The following PPARGC1A variants were observed in gnomAD, a reference collection of about 807,000 sequenced individuals.
PPARGC1A encodes the protein peroxisome proliferator-activated receptor gamma coactivator 1-alpha.
A neutral mutation model predicts 88.7 loss-of-function variants in PPARGC1A; 25 were observed. The observed-to-expected ratio is 0.28, with a 90% confidence interval of 0.21 to 0.39. PPARGC1A has a LOEUF of 0.39. Ranked by LOEUF, PPARGC1A falls within the 10% of genes least tolerant of loss-of-function variation. The probability of loss-of-function intolerance (pLI) is 1.00; values close to 1 mark genes in which losing one functional copy is unlikely to be tolerated. For missense variants in PPARGC1A, 880 were observed against 968.7 expected (o/e 0.91, Z 1.22); for synonymous variants, 363 against 355.6 (o/e 1.02, Z -0.24).
At chr4:24,173,137 T>C in the PPARGC1A span, among the ~76,000 whole-genome samples, 3 of 152,074 alleles carry the variant, frequency 2.0e-5, no homozygotes, top group East Asian at 5.8e-4. Context: ...TCTCTGTCTT[T>C]TGAGGTACCC....
At chr4:24,044,849 A>C in the PPARGC1A span, among the ~76,000 whole-genome samples, 1 of 152,052 alleles carries the variant, frequency 6.6e-6, no homozygotes, top group African/African-American at 2.4e-5. Flanking sequence ...CAGTCCTTAA[A>C]CCTCCTTGCA....
At chr4:24,382,907 C>A in the PPARGC1A span, among the ~76,000 whole-genome samples, 1 of 152,330 alleles carries the variant, frequency 6.6e-6, no homozygotes, top group South Asian at 2.1e-4. Flanking sequence ...ACTGCCTCCT[C>A]AAGTGGGTCC....
At chr4:24,089,805 C>T in the PPARGC1A span, among the ~76,000 whole-genome samples, 2 of 152,064 alleles carry the variant, frequency 1.3e-5, no homozygotes, top group Non-Finnish European at 2.9e-5. Context: ...CCACCGTGCG[C>T]GGCCTAGGAC....
At chr4:24,192,519 G>A in the PPARGC1A span, among the ~76,000 whole-genome samples, 2 of 152,176 alleles carry the variant, frequency 1.3e-5, no homozygotes, top group Non-Finnish European at 2.9e-5. Flanking sequence ...AAAAGGAAAA[G>A]CAAGACAAAG....
the PPARGC1A span, among the ~76,000 whole-genome samples, chr4:24,469,354 T>C: frequency 6.6e-6 from 1 of 152,218 alleles, no homozygotes; most frequent in Non-Finnish European, 1.5e-5. Context: ...TCTTCATCTC[T>C]GAAAATGGAG....
chr4:23,827,519 A>C (rs1724178921), intron 5 of PPARGC1A, among the ~76,000 whole-genome samples: 1 of 152,182 alleles, frequency 6.6e-6, no homozygotes, highest in Non-Finnish European at 1.5e-5. Flanking sequence ...GCATGTTTTA[A>C]ATCAACTGCC....
At chr4:23,947,392 TATATAAAA>T in the PPARGC1A span, among the ~76,000 whole-genome samples, 2,735 of 14,358 alleles carry the variant, frequency 0.19, 107 homozygotes, top group Non-Finnish European at 0.3. Flanking sequence ...TATATATATA[TATATAAAA>T]AAAACGGTGA....
the PPARGC1A span, among the ~76,000 whole-genome samples, chr4:24,284,179 C>A: frequency 1.3e-5 from 2 of 151,090 alleles, no homozygotes; most frequent in Non-Finnish European, 2.9e-5. Context: ...CAGGGGGGCA[C>A]CTGTAATCCC....
At chr4:23,889,039 C>A (rs1717380762) in intron 1 of PPARGC1A, 10 of 985,366 alleles carry the variant, frequency 1.0e-5, no homozygotes, top group Non-Finnish European at 1.2e-5. Flanking sequence ...GGTCCTCCGT[C>A]CCCCCACTAG....
At chr4:24,349,130 G>A in the PPARGC1A span, among the ~76,000 whole-genome samples, 1 of 152,228 alleles carries the variant, frequency 6.6e-6, no homozygotes, top group South Asian at 2.1e-4. Flanking sequence ...GGGGTTGTCT[G>A]CAGAGTCCTG....
the PPARGC1A span, among the ~76,000 whole-genome samples, chr4:24,247,982 T>A: frequency 6.6e-6 from 1 of 152,100 alleles, no homozygotes; most frequent in Non-Finnish European, 1.5e-5. Context: ...CCAAAAGATA[T>A]CTGTGGCATT....
the PPARGC1A span, among the ~76,000 whole-genome samples, chr4:24,063,001 C>A: frequency 6.6e-6 from 1 of 152,172 alleles, no homozygotes; most frequent in African/African-American, 2.4e-5. Context: ...GATGGTTCAT[C>A]TTCTCTAAAA....
chr4:24,155,897 C>T, the PPARGC1A span, among the ~76,000 whole-genome samples: 1 of 152,184 alleles, frequency 6.6e-6, no homozygotes, highest in Non-Finnish European at 1.5e-5. Flanking sequence ...AAGGAACTAG[C>T]AAGCACTAGG....
At chr4:24,191,927 C>T in the PPARGC1A span, among the ~76,000 whole-genome samples, 1 of 152,286 alleles carries the variant, frequency 6.6e-6, no homozygotes, top group African/African-American at 2.4e-5. Context: ...TTAGAGAGTA[C>T]ACAACACTCC....
the PPARGC1A span, among the ~76,000 whole-genome samples, chr4:24,232,991 G>T: frequency 6.6e-6 from 1 of 152,132 alleles, no homozygotes; most frequent in Non-Finnish European, 1.5e-5. Flanking sequence ...TCTAGGGCAA[G>T]CAGGAGTTGA....
chr4:23,945,373 C>T, the PPARGC1A span, among the ~76,000 whole-genome samples: 7 of 151,952 alleles, frequency 4.6e-5, no homozygotes, highest in South Asian at 4.1e-4. Flanking sequence ...AACCCAGATA[C>T]GTAGTATACT....
upstream of PPARGC1A, among the ~76,000 whole-genome samples, chr4:23,907,257 T>C (rs775373111): frequency 6.6e-6 from 1 of 152,138 alleles, no homozygotes; most frequent in Non-Finnish European, 1.5e-5. Context: ...CATAAACCAC[T>C]GATTATAACC....
chr4:24,049,036 C>T, the PPARGC1A span, among the ~76,000 whole-genome samples: 8 of 151,824 alleles, frequency 5.3e-5, no homozygotes, highest in African/African-American at 1.4e-4. Flanking sequence ...TTCATTTTTA[C>T]AGCCTCTTCC....
At chr4:24,122,385 A>G in the PPARGC1A span, among the ~76,000 whole-genome samples, 2,304 of 105,968 alleles carry the variant, frequency 0.022, 40 homozygotes, top group Admixed American at 0.076. Context: ...GTGTATGCGT[A>G]TGTGTGTGTG....
Sources: allele counts gnomAD v4.1 joint callset (sites outside exome capture counted in the v4.1 genomes callset), GRCh38; gene constraint gnomAD v4.1.1; transcripts MANE v1.5; gene names NCBI Gene and HGNC (gene_info 2026-07-23, HGNC 2026-07-21).